Variants in TBX20 observed in about 807,000 individuals in gnomAD.
TBX20 encodes T-box transcription factor TBX20.
Under a neutral mutation model 42.9 loss-of-function variants are expected in TBX20, and 8 were observed. The ratio of observed to expected loss-of-function variants is 0.19; its 90% CI spans 0.11 to 0.34. The LOEUF (loss-of-function observed/expected upper bound fraction) is 0.34, where lower values mean the gene tolerates loss of function less well. TBX20 is among the 10% of genes least tolerant of loss of function. The probability of loss-of-function intolerance (pLI) is 1.00; values close to 1 mark genes in which losing one functional copy is unlikely to be tolerated. For missense variants in TBX20, 411 were observed against 566.0 expected, an observed-to-expected ratio of 0.73 and a Z score of 2.78; for synonymous variants, 198 against 222.8, an observed-to-expected ratio of 0.89 and a Z score of 0.99.
chr7:35,207,753 TAC>T (rs1489305951), intron 6 of TBX20, among the ~76,000 whole-genome samples: 3 of 152,214 alleles, frequency 2.0e-5, no homozygotes, highest in Non-Finnish European at 4.4e-5. Flanking sequence ...CTCCATCACA[TAC>T]ATGTGGGTCT....
chr7:35,249,917 C>CACCCCCCA lies in TBX20; in HGVS notation c.380+33_380+34insTGGGGGGT. 3.8e-6 allele frequency: 6 copies of CACCCCCCA among 1,579,786 alleles called. No individual in the cohort carries two copies. Among genetic ancestry groups the CACCCCCCA allele is most frequent in the South Asian group, 1.2e-5 (1 of 84,116 alleles). Reference sequence around the variant, plus strand: ...CTACCCAGGGAGTGTCCTGACTCTCCACCCCCAACCCCCAACCCCCAAGTC... The same window carrying CACCCCCCA: ...CTACCCAGGGAGTGTCCTGACTCTCCACCCCCCAACCCCCAACCCCCAACCCCCAAGTC... On this transcript the variant is annotated intron_variant, in intron 2 of 7. Coordinates refer to ENST00000408931, the MANE Select transcript of TBX20 (RefSeq NM_001077653.2). This position sits in a 1 kb window ranked among gnomAD's most constrained non-coding sequence, Gnocchi z 4.3.
chr7:35,233,764 C>T (rs1382114158), intron 5 of TBX20, among the ~76,000 whole-genome samples: 1 of 152,232 alleles, frequency 6.6e-6, no homozygotes, highest in African/African-American at 2.4e-5. Context: ...AACAACTATA[C>T]TTAAAATGCG....
chr7:35,244,895 C>T (rs377144067), intron 4 of TBX20, 54 bp downstream of exon 4: 12 of 1,295,308 alleles, frequency 9.3e-6, no homozygotes, highest in Admixed American at 1.7e-5. Flanking sequence ...CAGTTTTGTG[C>T]GACCTGTCCA....
chr7:35,214,880 T>G (rs924221789), intron 6 of TBX20, among the ~76,000 whole-genome samples: 11 of 152,178 alleles, frequency 7.2e-5, no homozygotes, highest in African/African-American at 2.7e-4. Context: ...TTTTGTACAT[T>G]TATAAAGGAT....
At chr7:35,243,946 C>G (rs1790131327) in intron 4 of TBX20, among the ~76,000 whole-genome samples, 3 of 152,148 alleles carry the variant, frequency 2.0e-5, no homozygotes, top group Admixed American at 2.0e-4. Context: ...CCATATGAAA[C>G]CAAACCTAGA....
chr7:35,209,343 TA>T (rs1375616113), intron 6 of TBX20, among the ~76,000 whole-genome samples: 47 of 152,316 alleles, frequency 3.1e-4, no homozygotes, highest in African/African-American at 9.1e-4. Flanking sequence ...GTTTTTTAAC[TA>T]CAAATTCAAA....
intron 5 of TBX20, among the ~76,000 whole-genome samples, chr7:35,240,316 T>C (rs543101099): frequency 5.1e-4 from 77 of 152,310 alleles, no homozygotes; most frequent in African/African-American, 1.7e-3. Context: ...GTTTTTGGAT[T>C]AGGGATACTC....
At chr7:35,211,704 A>G (rs1358193060) in intron 6 of TBX20, among the ~76,000 whole-genome samples, 1 of 152,190 alleles carries the variant, frequency 6.6e-6, no homozygotes, top group Non-Finnish European at 1.5e-5. Flanking sequence ...TTATCCAACC[A>G]TAACCCCATT....
chr7:35,247,951 T>C (rs550805530), intron 3 of TBX20, among the ~76,000 whole-genome samples: 10 of 152,284 alleles, frequency 6.6e-5, no homozygotes, highest in Non-Finnish European at 8.8e-5. Context: ...GTTAAAATAA[T>C]AACAGTAAAG....
In TBX20 at chr7:35,253,856, C is replaced by A; in HGVS notation, c.-236G>T. 1 of 547,094 alleles carries A rather than the reference C, an allele frequency of 1.8e-6. No homozygotes were observed. The highest frequency in any genetic ancestry group is 3.2e-6 in the Non-Finnish European group (1 of 311,478). 33.9% of individuals were successfully genotyped at this position (547,094 alleles called of 1,614,324 possible). On this transcript the variant is annotated 5_prime_UTR_variant, in exon 1 of 8. Coordinates refer to ENST00000408931, the MANE Select transcript of TBX20 (RefSeq NM_001077653.2). ...GAAGGCAGCCGGAGAGGAGAGGGCC[C>A]ACCGAGCACTACGGCGGGTGCGCAC...
chr7:35,243,768 C>CA (rs1790127439), intron 4 of TBX20, among the ~76,000 whole-genome samples: 2 of 151,924 alleles, frequency 1.3e-5, no homozygotes, highest in Admixed American at 6.6e-5. Flanking sequence ...TTTCAATACA[C>CA]AAAAAAACAG....
intron 6 of TBX20, among the ~76,000 whole-genome samples, chr7:35,230,233 A>G (rs1789844721): frequency 6.6e-6 from 1 of 152,190 alleles, no homozygotes; most frequent in South Asian, 2.1e-4. Context: ...GCCTTTTGCA[A>G]GTGGACTCCT....
intron 6 of TBX20, among the ~76,000 whole-genome samples, chr7:35,218,421 T>G (rs1054812320): frequency 3.9e-5 from 6 of 152,118 alleles, no homozygotes; most frequent in African/African-American, 1.4e-4. Context: ...GGGCCCCAAC[T>G]GCTGTGTGAT....
chr7:35,221,763 A>G (rs994710225), intron 6 of TBX20, among the ~76,000 whole-genome samples: 5 of 152,204 alleles, frequency 3.3e-5, no homozygotes, highest in African/African-American at 9.6e-5. Context: ...CACAATTCCA[A>G]TAATTGAAGA....
intron 4 of TBX20, among the ~76,000 whole-genome samples, chr7:35,242,175 A>C (rs538818757): frequency 1.3e-5 from 2 of 152,280 alleles, no homozygotes; most frequent in South Asian, 4.1e-4. Flanking sequence ...CTGCCGATTG[A>C]CTTTAGCAGA....
chr7:35,233,609 T>C (rs2128713716), intron 5 of TBX20, among the ~76,000 whole-genome samples: 2 of 152,342 alleles, frequency 1.3e-5, no homozygotes, highest in East Asian at 3.9e-4. Context: ...GAAAGTCAGT[T>C]TTGGGAGGGA....
At chr7:35,247,165 CAAAAAAA>C (rs757916672) in intron 3 of TBX20, among the ~76,000 whole-genome samples, 1 of 79,626 alleles carries the variant, frequency 1.3e-5, no homozygotes, top group African/African-American at 4.9e-5. Context: ...GACTGGAGGG[CAAAAAAA>C]AAAAAAAAAA....
chr7:35,204,120 AAC>A (rs1174474924), intron 7 of TBX20, among the ~76,000 whole-genome samples: 2 of 152,168 alleles, frequency 1.3e-5, no homozygotes, highest in Non-Finnish European at 2.9e-5. Flanking sequence ...CAGATTATGA[AAC>A]TGAGGTTCAG....
chr7:35,239,664 A>G (rs1790036156), intron 5 of TBX20, among the ~76,000 whole-genome samples: 1 of 152,244 alleles, frequency 6.6e-6, no homozygotes, highest in Admixed American at 6.5e-5. Flanking sequence ...CTATCAGTAC[A>G]TGGCCCTTAG....
Sources: gnomAD v4.1 joint callset for allele counts (sites outside exome capture counted in the v4.1 genomes callset) on GRCh38, gnomAD v4.1.1 for gene constraint, Gnocchi (gnomAD v3.1) non-coding constraint, MANE v1.5 for transcripts, NCBI Gene and HGNC (gene_info 2026-07-23, HGNC 2026-07-21) for gene names.